Variants in PPIP5K1 observed in about 807,000 individuals in gnomAD.
PPIP5K1 encodes the protein inositol hexakisphosphate and diphosphoinositol-pentakisphosphate kinase 1.
PPIP5K1 carries 6 observed loss-of-function variants against 27.7 expected under a neutral mutation model. The observed-to-expected ratio is 0.22, with a 90% confidence interval of 0.12 to 0.43. The LOEUF (loss-of-function observed/expected upper bound fraction) is 0.43. PPIP5K1 is among the 20% of genes least tolerant of loss of function. The pLI, the probability that PPIP5K1 is intolerant of heterozygous loss-of-function variation, is 1.00. For missense variants in PPIP5K1, 394 were observed against 635.4 expected, an observed-to-expected ratio of 0.62 and a Z score of 4.08; for synonymous variants, 145 against 242.6, an observed-to-expected ratio of 0.60 and a Z score of 3.74.
chr15:43,545,179 T>TAAAA (rs60345631), intron 30 of PPIP5K1, among the ~76,000 whole-genome samples: 1 of 106,488 alleles, frequency 9.4e-6, no homozygotes, highest in Non-Finnish European at 2.1e-5. Context: ...GTCCGTCTCA[T>TAAAA]AAAAAAAAAA....
intron 30 of PPIP5K1, among the ~76,000 whole-genome samples, chr15:43,551,129 C>A (rs2082131751): frequency 6.6e-6 from 1 of 152,182 alleles, no homozygotes; most frequent in Admixed American, 6.5e-5. Flanking sequence ...TTTGGAAGAG[C>A]GTGAGTAGAC....
At chr15:43,558,733 A>G (rs2083374873) in intron 30 of PPIP5K1, 62 bp downstream of exon 30, 1 of 1,593,862 alleles carries the variant, frequency 6.3e-7, no homozygotes, top group African/African-American at 1.3e-5. Context: ...CTACTTTCTT[A>G]TATTCTAGGA....
In PPIP5K1 at chr15:43,534,302, C is replaced by T. The variant is rs1034446542; in HGVS notation, c.*372G>A. The stretch of plus-strand genomic sequence containing the variant: ...AAGGCTGGGTAATGACAGACCAACC[C>T]ACCCCAAGGAAATCCTATTCAAGTC... On this transcript the variant is annotated 3_prime_UTR_variant, in exon 32 of 32. Coordinates refer to ENST00000420765, the MANE Select transcript of PPIP5K1 (RefSeq NM_001394395.1). 12 of 173,696 alleles carry T rather than the reference C, an allele frequency of 6.9e-5. No homozygotes were observed. Among genetic ancestry groups the T allele is most frequent in the South Asian group, 3.9e-4 (2 of 5,192 alleles). 10.8% of individuals were successfully genotyped at this position (173,696 alleles called of 1,614,324 possible).
At chr15:43,538,334 T>C (rs2080188509) in intron 31 of PPIP5K1, among the ~76,000 whole-genome samples, 1 of 152,232 alleles carries the variant, frequency 6.6e-6, no homozygotes, top group South Asian at 2.1e-4. Flanking sequence ...CTCCTCTCTA[T>C]AGTCACTCTA....
rs1234953781 is a variant in PPIP5K1 at position 43,560,429 on chromosome 15, G to T, written c.3402C>A (p.Asp1134Glu). 2 of 1,301,964 alleles carry T rather than the reference G, an allele frequency of 1.5e-6. No individual in the cohort carries two copies. The highest frequency in any genetic ancestry group is 3.0e-5 in the African/African-American group (2 of 65,862). 80.7% of individuals were successfully genotyped at this position (1,301,964 alleles called of 1,614,324 possible). ...FRNWLRSGQDDPECLYGFEGC... is the reference protein window; with the variant it reads ...FRNWLRSGQDEPECLYGFEGC... ...AGGGGGTACCGTAGAGGCACTCGGG[G>T]TCATCCTGGCCTGAGCGCAGCCAGT... Residue 1134 changes from aspartate to glutamate, a missense_variant, in exon 29 of 32, where the codon GAC becomes GAA. Physicochemically the swap from Asp to Glu is conservative, Grantham distance 45. Coordinates refer to ENST00000420765, the MANE Select transcript of PPIP5K1 (RefSeq NM_001394395.1).
intron 30 of PPIP5K1, among the ~76,000 whole-genome samples, 157 bp from the exon 31 acceptor site, chr15:43,539,740 T>C (rs770286615): frequency 1.3e-5 from 2 of 152,206 alleles, no homozygotes; most frequent in African/African-American, 2.4e-5. Flanking sequence ...CCATTTTCAA[T>C]TTTTTAAACG....
At chr15:43,544,208 A>G (rs1221607648) in intron 30 of PPIP5K1, among the ~76,000 whole-genome samples, 1 of 152,176 alleles carries the variant, frequency 6.6e-6, no homozygotes, top group African/African-American at 2.4e-5. Flanking sequence ...ACTTCTAGCA[A>G]GTATTTTTTG....
At chr15:43,537,697 A>C (rs1041555887) in intron 31 of PPIP5K1, among the ~76,000 whole-genome samples, 1 of 135,138 alleles carries the variant, frequency 7.4e-6, no homozygotes, top group Non-Finnish European at 1.5e-5. Context: ...TCAAAAAAAA[A>C]AAAAAAAAAA....
intron 30 of PPIP5K1, among the ~76,000 whole-genome samples, chr15:43,545,901 C>T (rs1290349348): frequency 5.9e-5 from 9 of 152,080 alleles, no homozygotes; most frequent in Admixed American, 5.2e-4. Context: ...ATTTTCGTCA[C>T]CCCAGAAGAA....
intron 30 of PPIP5K1, among the ~76,000 whole-genome samples, chr15:43,547,315 A>C (rs2081496562): frequency 6.6e-6 from 1 of 151,944 alleles, no homozygotes; most frequent in African/African-American, 2.4e-5. Flanking sequence ...CCCTTTCTGT[A>C]GTTGTTATTT....
At chr15:43,535,617 G>A (rs1353493383) in intron 31 of PPIP5K1, 141 bp from the exon 32 acceptor site, 3 of 697,012 alleles carry the variant, frequency 4.3e-6, no homozygotes, top group Non-Finnish European at 7.0e-6. Context: ...CCTAAGTTAA[G>A]CAGAGACTCC....
intron 30 of PPIP5K1, among the ~76,000 whole-genome samples, chr15:43,552,218 G>C (rs1036125864): frequency 1.3e-5 from 2 of 152,018 alleles, no homozygotes; most frequent in African/African-American, 4.8e-5. Context: ...GCCTCCCAAA[G>C]TGTTGAGATT....
chr15:43,533,534 C>T lies in PPIP5K1; in HGVS notation c.*1140G>A, dbSNP rs1413066811. 2.0e-5 allele frequency: 3 copies of T among 152,402 alleles called. No individual in the cohort carries two copies. The highest frequency in any genetic ancestry group is 4.4e-5 in the Non-Finnish European group (3 of 68,002). 9.4% of individuals were successfully genotyped at this position (152,402 alleles called of 1,614,324 possible). On this transcript the variant is annotated 3_prime_UTR_variant, in exon 32 of 32. Transcript: ENST00000420765. The stretch of plus-strand genomic sequence containing the variant: ...TGTTCCAGCCCCCGACTCCAATGAC[C>T]GCATTACCCCTCCTACCCACTCCCA...
rs972764368 is a variant in PPIP5K1, at chr15:43,534,480, T to C, written c.*194A>G. On this transcript the variant is annotated 3_prime_UTR_variant, in exon 32 of 32. Coordinates refer to ENST00000420765, the MANE Select transcript of PPIP5K1 (RefSeq NM_001394395.1). ...CCAGTGAGTTAGCCAACAGAAAAGG[T>C]TGCTGGCTCAAATGGCTGGTATAGT... The C allele has an allele frequency of 5.5e-5, 27 of 488,336 alleles. No individual in the cohort carries two copies. The highest frequency in any genetic ancestry group is 8.8e-5 in the Non-Finnish European group (25 of 284,088). The allele number at this position is 488,336 out of a possible 1,614,324, so 30.3% of individuals were successfully genotyped here.
At position 43,539,563 on chromosome 15, in the gene PPIP5K1, T is replaced by G; in HGVS notation, c.3577A>C (p.Ser1193Arg). ...ASAALFDSMH[S>R]SQASDNPFSP... ...AATGGGTTATCTGAGGCCTGGCTGC[T>G]GTGCATGGAATCAAAGAGGGCTGGA... Residue 1193 changes from serine (S) to arginine (R), a missense_variant, in exon 31 of 32, where the codon AGC becomes CGC. This residue lies in a region of PPIP5K1 where 379 missense variants were observed against 423.9 expected (regional missense o/e 0.89). Coordinates refer to ENST00000420765, the MANE Select transcript of PPIP5K1 (RefSeq NM_001394395.1). 6 of 1,603,852 alleles carry G rather than the reference T, an allele frequency of 3.7e-6. No homozygotes were observed. In the South Asian group the frequency reaches 5.6e-5, roughly 15 times the overall value.
At chr15:43,541,928 A>G (rs559271201) in intron 30 of PPIP5K1, among the ~76,000 whole-genome samples, 1 of 152,290 alleles carries the variant, frequency 6.6e-6, no homozygotes, top group Non-Finnish European at 1.5e-5. Flanking sequence ...AGAATACTTT[A>G]AGAGGTGATC....
intron 30 of PPIP5K1, among the ~76,000 whole-genome samples, chr15:43,547,308 T>C (rs2081495787): frequency 6.6e-6 from 1 of 152,228 alleles, no homozygotes; most frequent in African/African-American, 2.4e-5. Flanking sequence ...ATTTTCTCCC[T>C]TTCTGTAGTT....
chr15:43,538,134 A>C lies in PPIP5K1; in HGVS notation c.3670+1336T>G, dbSNP rs56397785. On this transcript the variant is annotated intron_variant, in intron 31 of 31. Coordinates refer to ENST00000420765, the MANE Select transcript of PPIP5K1 (RefSeq NM_001394395.1). ...GAGGAAAGTTTCTTCCTCAAACAGG[A>C]TGCCAGAAAAAGGGCAAAAATTCTA... 9.8e-3 allele frequency among the ~76,000 whole-genome samples: 1,500 copies of C among 152,308 alleles called. 10 individuals carry two copies. The highest frequency in any genetic ancestry group is 0.016 in the Non-Finnish European group (1,080 of 68,024).
chr15:43,537,535 A>G (rs1436784179), intron 31 of PPIP5K1, among the ~76,000 whole-genome samples: 1 of 149,602 alleles, frequency 6.7e-6, no homozygotes, highest in Non-Finnish European at 1.5e-5. Flanking sequence ...CTAAAAATAC[A>G]AAAATTAGCC....
Sources: allele counts gnomAD v4.1 joint callset (sites outside exome capture counted in the v4.1 genomes callset), GRCh38; gene constraint gnomAD v4.1.1; regional missense constraint gnomAD v4.1.1; transcripts MANE v1.5; gene names NCBI Gene and HGNC (gene_info 2026-07-23, HGNC 2026-07-21).